ZNF483: variants seen among roughly 807,000 people sequenced by gnomAD.
The protein encoded by ZNF483 is zinc finger protein 483, also known as zinc finger protein HIT-10.
ZNF483 carries 9 observed loss-of-function variants against 28.6 expected under a neutral mutation model. That is an observed-to-expected ratio of 0.32 (90% CI 0.19 to 0.55). The LOEUF (loss-of-function observed/expected upper bound fraction) is 0.55, where lower values mean the gene tolerates loss of function less well. Ranked by LOEUF, ZNF483 falls within the 20% of genes least tolerant of loss-of-function variation. ZNF483 has a pLI of 0.93. For synonymous variants in ZNF483, 322 were observed against 306.2 expected, an observed-to-expected ratio of 1.05 and a Z score of -0.54; for missense variants, 675 against 871.7, an observed-to-expected ratio of 0.77 and a Z score of 2.84.
intron 3 of ZNF483, 64 bp downstream of exon 3, chr9:111,531,027 A>G: frequency 1.3e-6 from 1 of 744,138 alleles, no homozygotes. Context: ...ACTGAGTGGT[A>G]TAAAGATATA....
chr9:111,538,010 T>C (rs921576451), intron 5 of ZNF483, among the ~76,000 whole-genome samples: 2 of 152,216 alleles, frequency 1.3e-5, no homozygotes, highest in African/African-American at 4.8e-5. Flanking sequence ...TGTAAGTGTG[T>C]GTGTACGTTT....
In ZNF483 at chr9:111,544,729, C is replaced by T. The variant is rs1827765634; in HGVS notation, c.*1559C>T. On this transcript the variant is annotated 3_prime_UTR_variant, in exon 6 of 6. Coordinates refer to ENST00000309235, the MANE Select transcript of ZNF483 (RefSeq NM_133464.5). ...TTAAGTTTTCTTTTGTGAAATTAGACCTCAGAGGAATGGAATATACGGGTA... is the reference window on the plus strand; with the variant it reads ...TTAAGTTTTCTTTTGTGAAATTAGATCTCAGAGGAATGGAATATACGGGTA... 6.6e-6 allele frequency among the ~76,000 whole-genome samples: 1 copy of T among 152,048 alleles called. No homozygotes were observed. Among genetic ancestry groups the T allele is most frequent in the African/African-American group, 2.4e-5 (1 of 41,406 alleles).
At chr9:111,528,199 C>G (rs1056871370) in intron 2 of ZNF483, among the ~76,000 whole-genome samples, 2 of 152,212 alleles carry the variant, frequency 1.3e-5, no homozygotes, top group Non-Finnish European at 2.9e-5. Flanking sequence ...ATTGTGTGGA[C>G]TAGCACGTTG....
chr9:111,558,339 C>G (rs1828183087), downstream of ZNF483, among the ~76,000 whole-genome samples: 1 of 152,048 alleles, frequency 6.6e-6, no homozygotes, highest in African/African-American at 2.4e-5. Flanking sequence ...TGTGTTCTTT[C>G]AACATGACTT....
chr9:111,575,757 C>T (rs981117837), intron 5 of ZNF483, among the ~76,000 whole-genome samples: 1 of 152,090 alleles, frequency 6.6e-6, no homozygotes, highest in African/African-American at 2.4e-5. Context: ...TAAAATGCAT[C>T]GTAGACCTGA....
chr9:111,571,723 TG>T lies in ZNF483; in HGVS notation c.722-4641del, dbSNP rs541220662. 1.2e-4 allele frequency among the ~76,000 whole-genome samples: 19 copies of T among 152,288 alleles called. No homozygotes were observed. The South Asian group carries it at 3.9e-3, about 32-fold the overall frequency. The stretch of plus-strand genomic sequence containing the variant: ...GAGGTCTTACTCTATTGCTCTGGTT[TG>T]AAACTCCTGGGCCAAGCGATCCTCC... On this transcript the variant is annotated intron_variant, in intron 5 of 5. Transcript: ENST00000358151.
At chr9:111,532,742 G>C (rs932127979) in intron 3 of ZNF483, among the ~76,000 whole-genome samples, 1 of 152,096 alleles carries the variant, frequency 6.6e-6, no homozygotes, top group African/African-American at 2.4e-5. Context: ...GAATGCTATA[G>C]AAAGTGTATT....
intron 5 of ZNF483, chr9:111,574,103 G>A (rs1828952072): frequency 6.6e-6 from 1 of 152,158 alleles, no homozygotes; most frequent in Non-Finnish European, 1.5e-5. Context: ...CGCACCTCCA[G>A]CAATGTCTCT....
At chr9:111,571,698 G>T (rs1828829965) in intron 5 of ZNF483, among the ~76,000 whole-genome samples, 1 of 152,028 alleles carries the variant, frequency 6.6e-6, no homozygotes, top group Non-Finnish European at 1.5e-5. Flanking sequence ...TGTCAGAGAT[G>T]AGGTCTTACT....
At position 111,554,275 on chromosome 9, in the gene ZNF483, C is replaced by T. The variant is rs1402036059; in HGVS notation, c.*11105C>T. 1.3e-5 allele frequency among the ~76,000 whole-genome samples: 2 copies of T among 151,924 alleles called. No homozygotes were observed. Among genetic ancestry groups the T allele is most frequent in the African/African-American group, 4.8e-5 (2 of 41,396 alleles). The stretch of plus-strand genomic sequence containing the variant: ...GAAAAATGGCCATGGTACTACAGAT[C>T]CTGTAACTAAGAAAGTCAACCTCTG... On this transcript the variant is annotated 3_prime_UTR_variant, in exon 6 of 6. Coordinates refer to ENST00000309235, the MANE Select transcript of ZNF483 (RefSeq NM_133464.5).
At chr9:111,566,246 T>A (rs186251246) in intron 5 of ZNF483, among the ~76,000 whole-genome samples, 46 of 152,270 alleles carry the variant, frequency 3.0e-4, no homozygotes, top group African/African-American at 1.1e-3. Context: ...TAACTAACTA[T>A]GATCAGCTTC....
downstream of ZNF483, among the ~76,000 whole-genome samples, chr9:111,557,399 A>G (rs1429560732): frequency 1.3e-5 from 2 of 151,808 alleles, no homozygotes; most frequent in African/African-American, 4.8e-5. Context: ...GATGACTTGA[A>G]CACATGGAAA....
intron 5 of ZNF483, among the ~76,000 whole-genome samples, chr9:111,570,970 CTT>C (rs1828792758): frequency 6.6e-6 from 1 of 152,168 alleles, no homozygotes; most frequent in African/African-American, 2.4e-5. Context: ...ATGCCCCTGG[CTT>C]TGAGGACAGA....
rs1312987709 is a variant in ZNF483, at chr9:111,543,804, G to A, written c.*634G>A. The stretch of plus-strand genomic sequence containing the variant: ...TTTTTTTTTTCAATTTTTCTTTTTT[G>A]GGATGGAGTCTCACTATGTTGCCCA... On this transcript the variant is annotated 3_prime_UTR_variant, in exon 6 of 6. Transcript: ENST00000309235. The A allele has an allele frequency of 1.3e-6, 1 of 789,262 alleles. No homozygotes were observed. Among genetic ancestry groups the A allele is most frequent in the African/African-American group, 2.7e-5 (1 of 37,220 alleles). 48.9% of individuals were successfully genotyped at this position (789,262 alleles called of 1,614,324 possible).
At position 111,551,028 on chromosome 9, in the gene ZNF483, C is replaced by T. The variant is rs1247588754; in HGVS notation, c.*7858C>T. On this transcript the variant is annotated 3_prime_UTR_variant, in exon 6 of 6. Coordinates refer to ENST00000309235, the MANE Select transcript of ZNF483 (RefSeq NM_133464.5). Reference sequence around the variant, plus strand: ...AGCTGATTGGAAGGTGTTTTAGGTACTTCAGCACCATCCAACAGTAATATA... The same window carrying T: ...AGCTGATTGGAAGGTGTTTTAGGTATTTCAGCACCATCCAACAGTAATATA... Among the ~76,000 whole-genome samples, 1 of 152,204 alleles carries T rather than the reference C, an allele frequency of 6.6e-6. No individual in the cohort carries two copies. The highest frequency in any genetic ancestry group is 1.5e-5 in the Non-Finnish European group (1 of 68,040).
rs754438910 is a variant in ZNF483 at position 111,541,823 on chromosome 9, G to A, written c.888G>A (p.Arg296=). Residue 296 remains arginine (R), a synonymous_variant, in exon 6 of 6, where the codon AGG becomes AGA. Transcript: ENST00000309235. ...ACAAAACTCTTGGGAGTGGCAGTAG[G>A]GGTAAGAAATTTGACCCAGATAAAA... is the stretch of plus-strand genomic sequence containing the variant. ...AQNKTLGSGS[R]GKKFDPDKSP... The A allele has an allele frequency of 2.5e-6, 4 of 1,614,050 alleles. No homozygotes were observed. The highest frequency in any genetic ancestry group is 2.5e-6 in the Non-Finnish European group (3 of 1,180,014).
Position 111,555,293 on chromosome 9 carries a change from G to A in ZNF483, c.*12123G>A, listed in dbSNP as rs1374782299. ...CACCTGGCAAAATAAGGTAGGAGTGGCATTTTGAGCTCAAACTGTTCTGTG... is the reference window on the plus strand; with the variant it reads ...CACCTGGCAAAATAAGGTAGGAGTGACATTTTGAGCTCAAACTGTTCTGTG... On this transcript the variant is annotated 3_prime_UTR_variant, in exon 6 of 6. Coordinates refer to ENST00000309235, the MANE Select transcript of ZNF483 (RefSeq NM_133464.5). 6.6e-6 allele frequency among the ~76,000 whole-genome samples: 1 copy of A among 152,072 alleles called. No individual in the cohort carries two copies. The highest frequency in any genetic ancestry group is 2.4e-5 in the African/African-American group (1 of 41,396).
rs1418551765 is a variant in ZNF483 at position 111,547,159 on chromosome 9, CT to C, written c.*3990del. On this transcript the variant is annotated 3_prime_UTR_variant, in exon 6 of 6. Coordinates refer to ENST00000309235, the MANE Select transcript of ZNF483 (RefSeq NM_133464.5). ...ACATTGCTATAATCAGTGGTGCTTT[CT>C]GTTCTTTTAAGTATATGCCTAGAAA... Among the ~76,000 whole-genome samples the C allele has an allele frequency of 6.6e-6, 1 of 152,064 alleles. No individual in the cohort carries two copies. Among genetic ancestry groups the C allele is most frequent in the Non-Finnish European group, 1.5e-5 (1 of 67,954 alleles).
At chr9:111,565,358 T>G (rs568772315) in intron 5 of ZNF483, among the ~76,000 whole-genome samples, 1 of 152,310 alleles carries the variant, frequency 6.6e-6, no homozygotes, top group Non-Finnish European at 1.5e-5. Context: ...ATAAGTTTGT[T>G]GTTTAAGCCA....
Sources: gnomAD v4.1 joint callset for allele counts (sites outside exome capture counted in the v4.1 genomes callset) on GRCh38, gnomAD v4.1.1 for gene constraint, MANE v1.5 for transcripts, NCBI Gene and HGNC (gene_info 2026-07-23, HGNC 2026-07-21) for gene names.